Variants in SERTM1 observed in about 807,000 individuals in gnomAD.
The protein encoded by SERTM1 is serine rich and transmembrane domain containing 1, also known as serine-rich and transmembrane domain-containing protein 1.
SERTM1 carries 1 observed loss-of-function variant against 5.5 expected under a neutral mutation model. That is an observed-to-expected ratio of 0.18 (90% confidence interval 0.06 to 0.86). The LOEUF is 0.86. Among genes scored for constraint, SERTM1 ranks in the 40% least tolerant of loss-of-function variants. SERTM1 has a pLI of 0.69. For synonymous variants in SERTM1, 52 were observed against 55.1 expected (o/e 0.94, Z 0.25); for missense variants, 91 against 122.4 (o/e 0.74, Z 1.21).
At chr13:36,686,782 GT>G (rs1384875484) in intron 1 of SERTM1, among the ~76,000 whole-genome samples, 1 of 151,994 alleles carries the variant, frequency 6.6e-6, no homozygotes, top group Non-Finnish European at 1.5e-5. Flanking sequence ...AACAAAGCTG[GT>G]TTTTTTAATT....
intron 1 of SERTM1, among the ~76,000 whole-genome samples, chr13:36,679,935 C>CA (rs1025588562): frequency 1.1e-4 from 17 of 149,824 alleles, no homozygotes; most frequent in South Asian, 6.3e-4. Context: ...TTGTTTCATG[C>CA]AAAAAAAAAT....
At position 36,694,995 on chromosome 13, in the gene SERTM1, G is replaced by GA. The variant is rs1377686576; in HGVS notation, c.-78dup. 3 of 1,002,174 alleles carry GA rather than the reference G, an allele frequency of 3.0e-6. No homozygotes were observed. The highest frequency in any genetic ancestry group is 1.6e-5 in the African/African-American group (1 of 61,514). 62.1% of individuals were successfully genotyped at this position (1,002,174 alleles called of 1,614,324 possible). A position where few individuals can be genotyped will look rare whatever the true frequency, so the allele number is the denominator to read the frequency against. The stretch of plus-strand genomic sequence containing the variant: ...CTGTGAATTCTGCAAACACGATCGT[G>GA]AAAAAATGCCAATCTGTCCTGTGTA... On this transcript the variant is annotated 5_prime_UTR_variant, in exon 2 of 2. It adds an upstream start codon to the 5' untranslated region. Coordinates refer to ENST00000315190, the MANE Select transcript of SERTM1 (RefSeq NM_203451.3).
chr13:36,677,420 T>G (rs549601661), intron 1 of SERTM1, among the ~76,000 whole-genome samples: 104 of 152,254 alleles, frequency 6.8e-4, no homozygotes, highest in Middle Eastern at 3.4e-3. Context: ...TAAGCTATAT[T>G]AAGACAGGAA....
chr13:36,680,746 C>T (rs2056699724), intron 1 of SERTM1, among the ~76,000 whole-genome samples: 1 of 151,842 alleles, frequency 6.6e-6, no homozygotes, highest in Non-Finnish European at 1.5e-5. Flanking sequence ...TTGTTGTTGT[C>T]GTTTTGTTTG....
intron 1 of SERTM1, among the ~76,000 whole-genome samples, chr13:36,690,441 A>G (rs539538944): frequency 6.6e-6 from 1 of 152,186 alleles, no homozygotes; most frequent in Non-Finnish European, 1.5e-5. Context: ...CCAGGGGTAA[A>G]TGTTTGCCTT....
At position 36,679,710 on chromosome 13, in the gene SERTM1, T is replaced by C. The variant is rs144384024; in HGVS notation, c.-174+5526T>C. On this transcript the variant is annotated intron_variant, in intron 1 of 1. Transcript: ENST00000315190. ...GTGTGACCCACCGCACCTGACCTGC[T>C]TAGTTACCCTTGAACACATTTTTTT... 1.3e-3 allele frequency among the ~76,000 whole-genome samples: 202 copies of C among 152,320 alleles called. 1 individual carries two copies. Among genetic ancestry groups the C allele is most frequent in the African/African-American group, 4.7e-3 (195 of 41,578 alleles).
rs2056813577 is a variant in SERTM1 at position 36,696,338 on chromosome 13, T to C, written c.*936T>C. ...TCTTTATAATTTTAGTGCAGAATTATATTAAGCCTCCAAGATGTCTGATAT... is the reference window on the plus strand; with the variant it reads ...TCTTTATAATTTTAGTGCAGAATTACATTAAGCCTCCAAGATGTCTGATAT... On this transcript the variant is annotated 3_prime_UTR_variant, in exon 2 of 2. Transcript: ENST00000315190. 2 of 166,378 alleles carry C rather than the reference T, an allele frequency of 1.2e-5. No individual in the cohort carries two copies. The highest frequency in any genetic ancestry group is 4.8e-5 in the African/African-American group (2 of 41,460). The allele number at this position is 166,378 out of a possible 1,614,324, so 10.3% of individuals were successfully genotyped here. A position where few individuals can be genotyped will look rare whatever the true frequency, so the allele number is the denominator to read the frequency against.
At chr13:36,691,369 C>T (rs113656889) in intron 1 of SERTM1, among the ~76,000 whole-genome samples, 3 of 152,238 alleles carry the variant, frequency 2.0e-5, no homozygotes, top group African/African-American at 7.2e-5. Context: ...CCCAGGTGTG[C>T]GCTGTCTTAC....
chr13:36,675,725 C>G lies in SERTM1; in HGVS notation c.-174+1541C>G, dbSNP rs190247177. Among the ~76,000 whole-genome samples, 782 of 152,300 alleles carry G rather than the reference C, an allele frequency of 5.1e-3. 6 individuals are homozygous for G. Among genetic ancestry groups the G allele is most frequent in the African/African-American group, 0.018 (739 of 41,570 alleles). ...GTAAAGCAAATTGCCTTTTGGAGGG[C>G]TTGTGAGTGAGGCTGCCTGGTCTCA... On this transcript the variant is annotated intron_variant, in intron 1 of 1. Transcript: ENST00000315190.
intron 1 of SERTM1, among the ~76,000 whole-genome samples, chr13:36,692,141 T>C (rs1016217529): frequency 4.6e-5 from 7 of 152,226 alleles, no homozygotes; most frequent in Non-Finnish European, 1.0e-4. Flanking sequence ...AGTTGTGAAA[T>C]GTCAAATAAG....
intron 1 of SERTM1, among the ~76,000 whole-genome samples, chr13:36,678,512 G>T (rs1013909135): frequency 6.6e-6 from 1 of 151,636 alleles, no homozygotes; most frequent in African/African-American, 2.4e-5. Context: ...GGCCTGTTGG[G>T]GTGGGGTGGT....
At chr13:36,681,587 C>T (rs1370560669) in intron 1 of SERTM1, among the ~76,000 whole-genome samples, 17 of 152,182 alleles carry the variant, frequency 1.1e-4, no homozygotes, top group Non-Finnish European at 2.9e-5. Flanking sequence ...TTATAATAAG[C>T]TTCCCCTACA....
Position 36,696,870 on chromosome 13 carries a change from T to G in SERTM1, c.*1468T>G, listed in dbSNP as rs1314026446. On this transcript the variant is annotated 3_prime_UTR_variant, in exon 2 of 2. Transcript: ENST00000315190. ...CCTTGTTCAAAACATTTAATCATCT[T>G]AAGCAGTGGGGCTTCAACACACCGT... 1 of 167,076 alleles carries G rather than the reference T, an allele frequency of 6.0e-6. No individual in the cohort carries two copies. Among genetic ancestry groups the G allele is most frequent in the African/African-American group, 2.4e-5 (1 of 41,448 alleles). 10.3% of individuals were successfully genotyped at this position (167,076 alleles called of 1,614,324 possible).
chr13:36,679,799 A>G (rs917915179), intron 1 of SERTM1, among the ~76,000 whole-genome samples: 2 of 152,256 alleles, frequency 1.3e-5, no homozygotes, highest in Non-Finnish European at 2.9e-5. Flanking sequence ...GTGTAAGAAA[A>G]TAATTCCTAT....
intron 1 of SERTM1, among the ~76,000 whole-genome samples, chr13:36,676,328 A>G (rs1240142883): frequency 6.6e-6 from 1 of 151,914 alleles, no homozygotes; most frequent in African/African-American, 2.4e-5. Flanking sequence ...CCTCTATACT[A>G]GATAAAGTCT....
In SERTM1 at chr13:36,674,120, C is replaced by T. The variant is rs1359235845; in HGVS notation, c.-238C>T. On this transcript the variant is annotated 5_prime_UTR_variant, in exon 1 of 2. Transcript: ENST00000315190. ...GCTTCGCGGGCGCGTATCGTCCAGA[C>T]CGGAGCACCGCCCCACCGCTAGCGC... is the stretch of plus-strand genomic sequence containing the variant. The T allele has an allele frequency of 3.3e-5, 5 of 152,386 alleles. No individual in the cohort carries two copies. The highest frequency in any genetic ancestry group is 9.6e-5 in the African/African-American group (4 of 41,582). 9.4% of individuals were successfully genotyped at this position (152,386 alleles called of 1,614,324 possible).
chr13:36,697,337 A>ATATATATATATATAT lies in SERTM1; in HGVS notation c.*1935_*1936insTATATATATATATAT, dbSNP rs1566234536. 6.1e-6 allele frequency: 1 copy of ATATATATATATATAT among 163,524 alleles called. No individual in the cohort carries two copies. Among genetic ancestry groups the ATATATATATATATAT allele is most frequent in the African/African-American group, 2.5e-5 (1 of 40,634 alleles). 10.1% of individuals were successfully genotyped at this position (163,524 alleles called of 1,614,324 possible). On this transcript the variant is annotated 3_prime_UTR_variant, in exon 2 of 2. Coordinates refer to ENST00000315190, the MANE Select transcript of SERTM1 (RefSeq NM_203451.3). ...AATATATATATATATATATATATAT[A>ATATATATATATATAT]AACTCACATACTCCCAATTAAAAGT...
chr13:36,674,438 G>C (rs1400760158), intron 1 of SERTM1, among the ~76,000 whole-genome samples: 2 of 152,222 alleles, frequency 1.3e-5, no homozygotes, highest in South Asian at 2.1e-4. Context: ...GTGACTCCAC[G>C]GGCTGCAGGA....
At chr13:36,674,615 TG>T (rs2056658507) in intron 1 of SERTM1, among the ~76,000 whole-genome samples, 1 of 152,108 alleles carries the variant, frequency 6.6e-6, no homozygotes, top group South Asian at 2.1e-4. Flanking sequence ...GCCTTCTGTT[TG>T]CTTTTGCCTT....
Sources: gnomAD v4.1 joint callset for allele counts (sites outside exome capture counted in the v4.1 genomes callset) on GRCh38, gnomAD v4.1.1 for gene constraint, MANE v1.5 for transcripts, NCBI Gene and HGNC (gene_info 2026-07-23, HGNC 2026-07-21) for gene names.